The following PLBD1 variants were observed in gnomAD, a reference collection of about 807,000 sequenced individuals.
PLBD1 encodes the protein phospholipase B domain containing 1.
In PLBD1, 60 loss-of-function variants were observed where a neutral mutation model predicts 63.0. That is an observed-to-expected ratio of 0.95 (90% CI 0.77 to 1.18). The LOEUF (loss-of-function observed/expected upper bound fraction) is 1.18. PLBD1 is among the 50% of genes most tolerant of loss of function. The pLI is 0.00. For missense variants in PLBD1, 598 were observed against 677.9 expected (o/e 0.88, Z 1.31); for synonymous variants, 262 against 248.0 (o/e 1.06, Z -0.53).
chr12:14,550,878 CAAAA>C (rs778500118), intron 2 of PLBD1, among the ~76,000 whole-genome samples: 1 of 115,266 alleles, frequency 8.7e-6, no homozygotes, highest in Non-Finnish European at 1.9e-5. Context: ...AACTCCGTCT[CAAAA>C]AAAAAAAAAA....
intron 4 of PLBD1, among the ~76,000 whole-genome samples, chr12:14,538,619 A>C (rs1359357672): frequency 6.6e-6 from 1 of 152,242 alleles, no homozygotes; most frequent in Admixed American, 6.5e-5. Context: ...CACAATAATT[A>C]ATCTTGGACG....
intron 6 of PLBD1, among the ~76,000 whole-genome samples, chr12:14,516,503 A>T (rs958941147): frequency 7.9e-5 from 12 of 152,134 alleles, no homozygotes; most frequent in Non-Finnish European, 1.2e-4. Context: ...ATGAAATATG[A>T]ATTTCTATGG....
chr12:14,547,880 A>G (rs533414617), intron 2 of PLBD1, among the ~76,000 whole-genome samples: 1 of 152,256 alleles, frequency 6.6e-6, no homozygotes, highest in South Asian at 2.1e-4. Context: ...ATGTGCATGC[A>G]AACTCTGGGG....
intron 1 of PLBD1, among the ~76,000 whole-genome samples, chr12:14,558,681 C>T (rs544357936): frequency 2.6e-5 from 4 of 152,294 alleles, no homozygotes; most frequent in Non-Finnish European, 4.4e-5. Context: ...ATCGTAAGCA[C>T]CCCAGGCCTG....
chr12:14,558,043 C>T (rs974742211), intron 1 of PLBD1, among the ~76,000 whole-genome samples: 4 of 74,000 alleles, frequency 5.4e-5, no homozygotes, highest in South Asian at 6.3e-4. Context: ...TGAAATACTA[C>T]GTAGCCAAAA....
intron 4 of PLBD1, among the ~76,000 whole-genome samples, chr12:14,540,207 A>G (rs565515620): frequency 6.8e-6 from 1 of 147,762 alleles, no homozygotes; most frequent in South Asian, 2.1e-4. Flanking sequence ...ATACTGGCAA[A>G]ATAGACCAAA....
chr12:14,567,026 C>A (rs1352875480), intron 1 of PLBD1, among the ~76,000 whole-genome samples: 1 of 150,210 alleles, frequency 6.7e-6, no homozygotes, highest in Non-Finnish European at 1.5e-5. Context: ...ACCCGGGAGG[C>A]GGAAGTTGCA....
At position 14,567,865 on chromosome 12, in the gene PLBD1, C is replaced by G. The variant is rs1172798735; in HGVS notation, c.-169G>C. The G allele has an allele frequency of 8.4e-6, 8 of 951,406 alleles. No individual in the cohort carries two copies. In the South Asian group the frequency reaches 2.1e-4, roughly 24 times the overall value. 58.9% of individuals were successfully genotyped at this position (951,406 alleles called of 1,614,324 possible). A position where few individuals can be genotyped will look rare whatever the true frequency, so the allele number is the denominator to read the frequency against. ...CCGGCCTGCTCCGGGCTCTGAGGGG[C>G]GAGGACGCTTCACGTGGTGGCCTGG... On this transcript the variant is annotated 5_prime_UTR_variant, in exon 1 of 11. Transcript: ENST00000240617.
At chr12:14,544,067 T>G (rs1389399866) in intron 2 of PLBD1, among the ~76,000 whole-genome samples, 2 of 114,810 alleles carry the variant, frequency 1.7e-5, no homozygotes, top group African/African-American at 5.8e-5. Flanking sequence ...CCTTTGTAGT[T>G]AATGTCTTTC....
chr12:14,526,563 G>C (rs1010860893), intron 6 of PLBD1, among the ~76,000 whole-genome samples: 3 of 152,164 alleles, frequency 2.0e-5, no homozygotes, highest in African/African-American at 7.2e-5. Context: ...TCACTCTGAG[G>C]TGGAACTTAA....
At chr12:14,534,170 G>C (rs1263802313) in intron 6 of PLBD1, among the ~76,000 whole-genome samples, 2 of 152,174 alleles carry the variant, frequency 1.3e-5, no homozygotes, top group Non-Finnish European at 2.9e-5. Flanking sequence ...AGGAATTTCT[G>C]ATAGGAAGAG....
chr12:14,553,332 C>T lies in PLBD1; in HGVS notation c.196G>A (p.Ala66Thr), dbSNP rs143419244. 21 of 1,614,072 alleles carry T rather than the reference C, an allele frequency of 1.3e-5. No homozygotes were observed. The highest frequency in any genetic ancestry group is 4.4e-5 in the South Asian group (4 of 91,086). ...ACAGAGTTATTGTAAAAGCCATAGG[C>T]GTCCCCATTCTTGTCCATTACATTT... ...VKNVMDKNGDAYGFYNNSVKT... is the reference protein window; with the variant it reads ...VKNVMDKNGDTYGFYNNSVKT... The change falls in exon 2 of 11, where the codon GCC becomes ACC. Residue 66 changes from alanine to threonine, a missense_variant. Coordinates refer to ENST00000240617, the MANE Select transcript of PLBD1 (RefSeq NM_024829.6).
chr12:14,550,054 T>C (rs1174924001), intron 2 of PLBD1, among the ~76,000 whole-genome samples: 1 of 152,216 alleles, frequency 6.6e-6, no homozygotes, highest in Non-Finnish European at 1.5e-5. Flanking sequence ...CTGCTCAGAA[T>C]GACTTTATCC....
chr12:14,533,650 T>C (rs1363308386), intron 6 of PLBD1, among the ~76,000 whole-genome samples: 3 of 152,224 alleles, frequency 2.0e-5, no homozygotes, highest in Admixed American at 1.3e-4. Context: ...ACTGGACTGC[T>C]CTGTCTCTTG....
At chr12:14,528,785 G>T (rs2136915362) in intron 6 of PLBD1, among the ~76,000 whole-genome samples, 1 of 151,700 alleles carries the variant, frequency 6.6e-6, no homozygotes, top group South Asian at 2.1e-4. Context: ...ATGATAATGG[G>T]GACTTTACAG....
intron 6 of PLBD1, among the ~76,000 whole-genome samples, chr12:14,534,307 GT>G (rs1430300464): frequency 1.3e-5 from 2 of 152,172 alleles, no homozygotes; most frequent in South Asian, 2.1e-4. Context: ...GATGTTTGGT[GT>G]TTTCCCCTTG....
chr12:14,565,390 A>G (rs938477761), intron 1 of PLBD1, among the ~76,000 whole-genome samples: 1 of 151,844 alleles, frequency 6.6e-6, no homozygotes, highest in African/African-American at 2.4e-5. Flanking sequence ...TGCTTGAACC[A>G]AAGAGGTGGA....
intron 5 of PLBD1, 27 bp downstream of exon 5, chr12:14,536,543 A>G: frequency 1.2e-6 from 2 of 1,611,376 alleles, no homozygotes; most frequent in African/African-American, 1.3e-5. Context: ...GAACCAGAAC[A>G]AGGCAAAAGG....
At chr12:14,534,100 A>G (rs1945490010) in intron 6 of PLBD1, among the ~76,000 whole-genome samples, 3 of 152,204 alleles carry the variant, frequency 2.0e-5, no homozygotes, top group Non-Finnish European at 1.5e-5. Context: ...GTGGGCTAAC[A>G]TTGTACCGCT....
Sources: gnomAD v4.1 joint callset for allele counts (sites outside exome capture counted in the v4.1 genomes callset) on GRCh38, gnomAD v4.1.1 for gene constraint, MANE v1.5 for transcripts, NCBI Gene and HGNC (gene_info 2026-07-23, HGNC 2026-07-21) for gene names.